Variants in SMYD3 observed in about 807,000 individuals in gnomAD.
The protein encoded by SMYD3 is histone-lysine N-methyltransferase SMYD3.
In SMYD3, 36 loss-of-function variants were observed where a neutral mutation model predicts 57.7. The ratio of observed to expected loss-of-function variants is 0.62; its 90% CI spans 0.48 to 0.82. SMYD3 has a LOEUF of 0.82. Ranked by LOEUF, SMYD3 falls within the 40% of genes least tolerant of loss-of-function variation. The probability of loss-of-function intolerance (pLI) is 0.00; values close to 1 mark genes in which losing one functional copy is unlikely to be tolerated. For synonymous variants in SMYD3, 211 were observed against 195.0 expected, an observed-to-expected ratio of 1.08 and a Z score of -0.68; for missense variants, 515 against 538.8, an observed-to-expected ratio of 0.96 and a Z score of 0.44.
intron 1 of SMYD3, among the ~76,000 whole-genome samples, chr1:246,377,464 G>A (rs2066298984): frequency 6.6e-6 from 1 of 151,472 alleles, no homozygotes; most frequent in Non-Finnish European, 1.5e-5. Context: ...CCGCCTCCCG[G>A]GTTCAAGCGA....
chr1:246,376,500 A>G (rs1284046953), intron 1 of SMYD3, among the ~76,000 whole-genome samples: 1 of 146,988 alleles, frequency 6.8e-6, no homozygotes, highest in Non-Finnish European at 1.5e-5. Flanking sequence ...CTGAGGCAGG[A>G]GAATGGTGTG....
chr1:245,813,903 T>TACATACACAC (rs1553330999), intron 10 of SMYD3, among the ~76,000 whole-genome samples: 3 of 145,996 alleles, frequency 2.1e-5, no homozygotes, highest in African/African-American at 8.0e-5. Context: ...TATATATATA[T>TACATACACAC]ACAGATGAAT....
Position 246,506,978 on chromosome 1 carries a change from G to GCCCCCCCCCCCCCCCCCCCCCCCCCCCC in SMYD3, c.164+75_164+76insGGGGGGGGGGGGGGGGGGGGGGGGGGGG. On this transcript the variant is annotated intron_variant, in intron 1 of 11. Coordinates refer to ENST00000490107, the MANE Select transcript of SMYD3 (RefSeq NM_001167740.2). The stretch of plus-strand genomic sequence containing the variant: ...ATCCAGCAGGAGTCCCGCGGCTGCC[G>GCCCCCCCCCCCCCCCCCCCCCCCCCCCC]GCCGCCCGACGCCCCCCCCTCCCCA... The GCCCCCCCCCCCCCCCCCCCCCCCCCCCC allele has an allele frequency of 2.0e-5, 23 of 1,174,504 alleles. No homozygotes were observed. The East Asian group carries it at 2.1e-4, about 11-fold the overall frequency. 72.8% of individuals were successfully genotyped at this position (1,174,504 alleles called of 1,614,324 possible).
chr1:245,908,805 C>T (rs1289054397), intron 8 of SMYD3, among the ~76,000 whole-genome samples: 1 of 152,056 alleles, frequency 6.6e-6, no homozygotes, highest in Non-Finnish European at 1.5e-5. Flanking sequence ...GTATGGGTTA[C>T]AGCAAAAGTA....
chr1:246,441,719 C>A (rs1380087136), intron 1 of SMYD3, among the ~76,000 whole-genome samples: 1 of 152,226 alleles, frequency 6.6e-6, no homozygotes, highest in Non-Finnish European at 1.5e-5. Flanking sequence ...TCAAACGGTT[C>A]TCCTGCCTCT....
intron 5 of SMYD3, among the ~76,000 whole-genome samples, chr1:245,971,263 C>T (rs940826146): frequency 6.6e-6 from 1 of 152,162 alleles, no homozygotes; most frequent in South Asian, 2.1e-4. Context: ...CACGTGGACA[C>T]AGGGAGTGGA....
At chr1:246,007,264 A>G (rs535400202) in intron 5 of SMYD3, among the ~76,000 whole-genome samples, 1 of 152,224 alleles carries the variant, frequency 6.6e-6, no homozygotes, top group South Asian at 2.1e-4. Flanking sequence ...GCCTTGTGGG[A>G]GGTTTCTATT....
chr1:246,169,391 A>AAAAC (rs1420778580), intron 5 of SMYD3, among the ~76,000 whole-genome samples: 2 of 149,648 alleles, frequency 1.3e-5, no homozygotes, highest in East Asian at 1.9e-4. Flanking sequence ...CAAAAAAAAA[A>AAAAC]AAAAAAAAAA....
At chr1:246,021,139 A>C (rs6426261) in intron 5 of SMYD3, among the ~76,000 whole-genome samples, 8,583 of 152,272 alleles carry the variant, frequency 0.056, 326 homozygotes, top group African/African-American at 0.1. Context: ...GAGAGAAGGA[A>C]AGTATGAAGT....
chr1:245,857,965 G>A (rs2051337529), intron 10 of SMYD3, among the ~76,000 whole-genome samples: 1 of 152,178 alleles, frequency 6.6e-6, no homozygotes, highest in South Asian at 2.1e-4. Flanking sequence ...AGAAGCTGAG[G>A]CAGGGCCGTC....
intron 5 of SMYD3, among the ~76,000 whole-genome samples, chr1:246,120,235 G>A (rs1285652953): frequency 1.3e-5 from 2 of 152,182 alleles, no homozygotes; most frequent in African/African-American, 4.8e-5. Context: ...CAGGAGATAA[G>A]GATGAGTAGA....
At chr1:246,179,282 C>A (rs2062491060) in intron 5 of SMYD3, 1 of 152,698 alleles carries the variant, frequency 6.5e-6, no homozygotes, top group Admixed American at 6.5e-5. Flanking sequence ...CTTTCAATTG[C>A]CCTCCAAGAA....
intron 5 of SMYD3, among the ~76,000 whole-genome samples, chr1:246,308,317 G>C (rs1572362780): frequency 6.6e-6 from 1 of 152,142 alleles, no homozygotes; most frequent in South Asian, 2.1e-4. Context: ...TATTAAACTG[G>C]TTCTTTCTGA....
intron 5 of SMYD3, among the ~76,000 whole-genome samples, chr1:246,051,865 G>T (rs950959287): frequency 3.3e-5 from 5 of 152,088 alleles, no homozygotes; most frequent in Non-Finnish European, 1.5e-5. Flanking sequence ...AGCAAAATTG[G>T]AAGCAAGAGC....
chr1:246,099,000 C>A (rs1323087908), intron 5 of SMYD3, among the ~76,000 whole-genome samples: 2 of 152,262 alleles, frequency 1.3e-5, no homozygotes, highest in African/African-American at 4.8e-5. Flanking sequence ...TTTTGCTTTT[C>A]TCCCACCCTT....
chr1:245,781,500 G>T (rs1419857337), intron 10 of SMYD3, among the ~76,000 whole-genome samples: 3 of 152,166 alleles, frequency 2.0e-5, no homozygotes, highest in African/African-American at 7.2e-5. Flanking sequence ...AAGAGTCAAA[G>T]AATGATCACA....
intron 5 of SMYD3, among the ~76,000 whole-genome samples, chr1:246,220,929 G>T (rs986573941): frequency 6.6e-6 from 1 of 151,940 alleles, no homozygotes; most frequent in Non-Finnish European, 1.5e-5. Flanking sequence ...TGCAGAGATG[G>T]TACTACCAGC....
At chr1:245,959,189 T>C (rs1181686003) in intron 5 of SMYD3, among the ~76,000 whole-genome samples, 1 of 152,148 alleles carries the variant, frequency 6.6e-6, no homozygotes, top group Non-Finnish European at 1.5e-5. Context: ...CTCAAACTCC[T>C]GGCCTTAAGT....
At position 245,901,875 on chromosome 1, in the gene SMYD3, G is replaced by A. The variant is rs1273834727; in HGVS notation, c.813+13655C>T. On this transcript the variant is annotated intron_variant, in intron 8 of 11. Coordinates refer to ENST00000490107, the MANE Select transcript of SMYD3 (RefSeq NM_001167740.2). ...AGTTGTCCACATTACCACCACAGAT[G>A]CCTGCCATCCTAGCCACAGGAGAGC... 3.9e-5 allele frequency among the ~76,000 whole-genome samples: 6 copies of A among 152,138 alleles called. No homozygotes were observed. The East Asian group carries it at 1.2e-3, about 29-fold the overall frequency.
Sources: gnomAD v4.1 joint callset for allele counts (sites outside exome capture counted in the v4.1 genomes callset) on GRCh38, gnomAD v4.1.1 for gene constraint, MANE v1.5 for transcripts, NCBI Gene and HGNC (gene_info 2026-07-23, HGNC 2026-07-21) for gene names.